The following ANO2 variants were observed in gnomAD, a reference collection of about 807,000 sequenced individuals.
ANO2 encodes anoctamin-2.
In ANO2, 101 loss-of-function variants were observed where a neutral mutation model predicts 124.2. The observed-to-expected ratio is 0.81, with a 90% CI of 0.69 to 0.96. The LOEUF is 0.96. Among genes scored for constraint, ANO2 ranks in the 40% least tolerant of loss-of-function variants. ANO2 has a pLI of 0.00. For missense variants in ANO2, 1,293 were observed against 1,274.5 expected (o/e 1.01, Z -0.22); for synonymous variants, 486 against 482.5 (o/e 1.01, Z -0.09).
At chr12:5,634,998 TACACAC>T (rs1945928643) in intron 16 of ANO2, among the ~76,000 whole-genome samples, 148 bp downstream of exon 16, 1 of 152,178 alleles carries the variant, frequency 6.6e-6, no homozygotes, top group African/African-American at 2.4e-5. Context: ...GCCCTACAAA[TACACAC>T]ACGTTGCACT....
intron 10 of ANO2, among the ~76,000 whole-genome samples, chr12:5,779,468 C>A (rs895879619): frequency 1.3e-5 from 2 of 152,214 alleles, no homozygotes; most frequent in Non-Finnish European, 2.9e-5. Flanking sequence ...TCTTTCTAAA[C>A]CCTATCACAA....
chr12:5,630,979 T>C (rs1386239641), intron 16 of ANO2, among the ~76,000 whole-genome samples: 2 of 152,198 alleles, frequency 1.3e-5, no homozygotes, highest in African/African-American at 2.4e-5. Flanking sequence ...TGTCTTCCCC[T>C]GACATGGTGT....
chr12:5,585,977 T>C (rs1474255754), intron 20 of ANO2, among the ~76,000 whole-genome samples: 1 of 152,208 alleles, frequency 6.6e-6, no homozygotes, highest in African/African-American at 2.4e-5. Context: ...GGAACCACAA[T>C]GCAGCTATGT....
intron 1 of ANO2, among the ~76,000 whole-genome samples, chr12:5,923,061 T>C (rs532136000): frequency 0.017 from 1,520 of 88,022 alleles, 116 homozygotes; most frequent in African/African-American, 0.064. Flanking sequence ...CACACCCACA[T>C]ACACACACAC....
intron 1 of ANO2, among the ~76,000 whole-genome samples, chr12:5,935,623 G>C (rs1354910680): frequency 6.6e-6 from 1 of 152,192 alleles, no homozygotes; most frequent in African/African-American, 2.4e-5. Context: ...AAAAGTTCTG[G>C]AGAAGGGGCA....
chr12:5,747,587 A>G (rs535476980), intron 11 of ANO2, among the ~76,000 whole-genome samples: 1 of 152,328 alleles, frequency 6.6e-6, no homozygotes, highest in Admixed American at 6.5e-5. Context: ...TCAATTTTGT[A>G]GTAATTTTAA....
At chr12:5,924,475 A>G (rs116825558) in intron 1 of ANO2, among the ~76,000 whole-genome samples, 4,372 of 152,304 alleles carry the variant, frequency 0.029, 208 homozygotes, top group African/African-American at 0.1. Context: ...CTGAAAGGCC[A>G]GGAGGCACGG....
At chr12:5,806,191 CT>C (rs1039602284) in intron 8 of ANO2, 98 bp from the exon 9 acceptor site, 38 of 1,263,548 alleles carry the variant, frequency 3.0e-5, no homozygotes, top group African/African-American at 6.1e-5. Flanking sequence ...AATATCATTG[CT>C]TTTTTTTCAT....
At chr12:5,686,116 G>A (rs11063820) in intron 14 of ANO2, among the ~76,000 whole-genome samples, 56,440 of 151,562 alleles carry the variant, frequency 0.37, 12,190 homozygotes, top group East Asian at 0.59. Context: ...CTCCCCCAGG[G>A]GCAAGTCCCG....
In ANO2 at chr12:5,612,854, G is replaced by C. The variant is rs185116864; in HGVS notation, c.1986+47C>G. The C allele has an allele frequency of 2.7e-4, 430 of 1,611,650 alleles. 1 individual carries two copies. The African/African-American group carries it at 5.2e-3, about 19-fold the overall frequency. On this transcript the variant is annotated intron_variant, in intron 18 of 24. Coordinates refer to ENST00000682330, the MANE Select transcript of ANO2 (RefSeq NM_001364791.2). Reference sequence around the variant, plus strand: ...CCATGCTGTGCTGGAGATAAGAATGGGGCTGGGTTGGGGTGCCAGGCATGA... The same window carrying C: ...CCATGCTGTGCTGGAGATAAGAATGCGGCTGGGTTGGGGTGCCAGGCATGA...
intron 14 of ANO2, among the ~76,000 whole-genome samples, chr12:5,698,461 A>G (rs1470423638): frequency 1.3e-5 from 2 of 152,206 alleles, no homozygotes; most frequent in Non-Finnish European, 2.9e-5. Context: ...ACCATCATCA[A>G]AGACCAAAGG....
chr12:5,757,109 G>GCAAC (rs1213179291), intron 10 of ANO2, among the ~76,000 whole-genome samples: 2 of 152,200 alleles, frequency 1.3e-5, no homozygotes, highest in Non-Finnish European at 2.9e-5. Context: ...CCAGGGTTCT[G>GCAAC]CAACCTCTTA....
At chr12:5,877,220 T>C (rs1341349398) in intron 3 of ANO2, among the ~76,000 whole-genome samples, 2 of 152,012 alleles carry the variant, frequency 1.3e-5, no homozygotes, top group African/African-American at 4.8e-5. Context: ...GAGGAAAGGA[T>C]ACACAGAGAC....
At chr12:5,621,508 G>A (rs1945116760) in intron 16 of ANO2, among the ~76,000 whole-genome samples, 1 of 152,170 alleles carries the variant, frequency 6.6e-6, no homozygotes, top group African/African-American at 2.4e-5. Flanking sequence ...GGCAGGACCC[G>A]GAAGGGTGAG....
intron 20 of ANO2, among the ~76,000 whole-genome samples, chr12:5,588,443 A>G (rs1943233204): frequency 6.6e-6 from 1 of 152,122 alleles, no homozygotes; most frequent in African/African-American, 2.4e-5. Context: ...AGTGGCTCTA[A>G]CCTCAATTCC....
At chr12:5,922,424 C>A (rs1271614781) in intron 2 of ANO2, among the ~76,000 whole-genome samples, 196 bp downstream of exon 2, 1 of 152,220 alleles carries the variant, frequency 6.6e-6, no homozygotes, top group Non-Finnish European at 1.5e-5. Context: ...CCTGACCCTC[C>A]TCTGACCAGA....
intron 14 of ANO2, among the ~76,000 whole-genome samples, chr12:5,687,788 G>C (rs1377611667): frequency 6.6e-6 from 1 of 152,168 alleles, no homozygotes; most frequent in African/African-American, 2.4e-5. Flanking sequence ...GATTACTTCT[G>C]TTCAGTATGT....
At chr12:5,807,110 G>A (rs182882045) in intron 8 of ANO2, among the ~76,000 whole-genome samples, 14 of 152,272 alleles carry the variant, frequency 9.2e-5, no homozygotes, top group East Asian at 7.7e-4. Context: ...AATCATTGCC[G>A]AGACAGTTTG....
chr12:5,692,000 T>C (rs1948964870), intron 14 of ANO2, among the ~76,000 whole-genome samples: 1 of 152,024 alleles, frequency 6.6e-6, no homozygotes. Context: ...TGGTGGGCTA[T>C]AATGGGGAAA....
Sources: gnomAD v4.1 joint callset for allele counts (sites outside exome capture counted in the v4.1 genomes callset) on GRCh38, gnomAD v4.1.1 for gene constraint, MANE v1.5 for transcripts, NCBI Gene and HGNC (gene_info 2026-07-23, HGNC 2026-07-21) for gene names.